The following IDUA variants were observed in gnomAD, a reference collection of about 807,000 sequenced individuals.
IDUA encodes the protein alpha-L-iduronidase.
In IDUA, 65 loss-of-function variants were observed where a neutral mutation model predicts 68.9. The observed-to-expected ratio is 0.94, with a 90% CI of 0.77 to 1.16. IDUA has a LOEUF of 1.16. Among genes scored for constraint, IDUA ranks in the 50% most tolerant of loss-of-function variants. The pLI, the probability that IDUA is intolerant of heterozygous loss-of-function variation, is 0.00. For missense variants in IDUA, 1,046 were observed against 938.0 expected (o/e 1.12, Z -1.50); for synonymous variants, 529 against 433.6 (o/e 1.22, Z -2.73).
intron 2 of IDUA, chr4:989,251 C>CCCGTG: frequency 6.2e-7 from 1 of 1,612,680 alleles, no homozygotes; most frequent in South Asian, 1.1e-5. Flanking sequence ...TGCGTCCAGC[C>CCCGTG]CCGTGAGGCT....
At chr4:987,577 GCAGGGC>G (rs943897582) in intron 1 of IDUA, 41 of 1,373,856 alleles carry the variant, frequency 3.0e-5, no homozygotes, top group African/African-American at 7.3e-5. Flanking sequence ...CGCCTTCCTG[GCAGGGC>G]CAGGGCCAGG....
At chr4:994,257 T>C (rs1373257907) in intron 2 of IDUA, among the ~76,000 whole-genome samples, 1 of 151,536 alleles carries the variant, frequency 6.6e-6, no homozygotes, top group Non-Finnish European at 1.5e-5. Flanking sequence ...CTGGTCAACA[T>C]AGTGAGACGC....
chr4:1,003,503 C>G lies in IDUA; in HGVS notation c.1650+33C>G, dbSNP rs544800828. On this transcript the variant is annotated intron_variant, in intron 11 of 13. Coordinates refer to ENST00000514224, the MANE Select transcript of IDUA (RefSeq NM_000203.5). ...GCAGTCCCCTAACCCGCGCCGCGGC[C>G]CGGACTCCCCTTCCCCGACGCCATC... 2.9e-4 allele frequency: 472 copies of G among 1,600,286 alleles called. 5 individuals are homozygous for G. In the South Asian group the frequency reaches 4.3e-3, roughly 15 times the overall value.
intron 2 of IDUA, chr4:999,600 G>A (rs148959726): frequency 0.049 from 7,446 of 151,844 alleles, 246 homozygotes; most frequent in Middle Eastern, 0.17. Flanking sequence ...CTGTCCCCTC[G>A]GAATGCAGGC....
In IDUA at chr4:1,000,925, T is replaced by A. The variant is rs373342547; in HGVS notation, c.429T>A (p.Phe143Leu). ...GCGCCTCGGGCCACTTCACTGACTT[T>A]GAGGACAAGCAGCAGGTGTTTGAGT... ...MGSASGHFTD[F>L]EDKQQVFEWK... Residue 143 changes from phenylalanine to leucine, a missense_variant, in exon 4 of 14, where the codon TTT becomes TTA. Transcript: ENST00000514224. The A allele has an allele frequency of 1.4e-5, 23 of 1,613,364 alleles. No individual in the cohort carries two copies. The highest frequency in any genetic ancestry group is 1.9e-5 in the Non-Finnish European group (22 of 1,179,956).
Position 1,004,342 on chromosome 4 carries a change from G to A in IDUA, c.1911G>A (p.Pro637=), listed in dbSNP as rs780005721. 2.2e-5 allele frequency: 35 copies of A among 1,611,544 alleles called. No individual in the cohort carries two copies. The highest frequency in any genetic ancestry group is 2.0e-4 in the East Asian group (9 of 44,888). Residue 637 remains proline, a synonymous_variant, in exon 14 of 14, where the codon CCG becomes CCA. Transcript: ENST00000514224. This position sits in a 1 kb window ranked among gnomAD's most constrained non-coding sequence, Gnocchi z 5.0. ...CAGGCCCCTTCTCGGACCCTGTGCCGTACCTGGAGGTCCCTGTGCCAAGAG... is the reference window on the plus strand; with the variant it reads ...CAGGCCCCTTCTCGGACCCTGTGCCATACCTGGAGGTCCCTGTGCCAAGAG... ...ARPGPFSDPV[P]YLEVPVPRGP... is the part of the protein sequence containing the mutation.
Position 1,004,394 on chromosome 4 carries a change from G to T in IDUA, c.*1G>T. 6.2e-7 allele frequency: 1 copy of T among 1,610,108 alleles called. No homozygotes were observed. The highest frequency in any genetic ancestry group is 8.5e-7 in the Non-Finnish European group (1 of 1,179,968). ...GCCCCCATCCCCGGGCAATCCATGA[G>T]CCTGTGCTGAGCCCCAGTGGGTTGC... On this transcript the variant is annotated 3_prime_UTR_variant, in exon 14 of 14. Transcript: ENST00000514224. The surrounding 1 kb of genome is among the most constrained non-coding windows in gnomAD (Gnocchi z 5.0).
intron 2 of IDUA, among the ~76,000 whole-genome samples, chr4:1,000,411 G>C (rs775877705): frequency 2.2e-4 from 34 of 152,338 alleles, no homozygotes; most frequent in Admixed American, 3.3e-4. Context: ...GGGTTGGGGG[G>C]TCTCCATGTA....
chr4:988,476 TGGCACCTTGG>T, intron 2 of IDUA: 2 of 1,114,822 alleles, frequency 1.8e-6, no homozygotes, highest in Non-Finnish European at 2.2e-6. Flanking sequence ...GGAGTCCTCT[TGGCACCTTGG>T]AGGCTGCATG....
chr4:987,531 G>A, intron 1 of IDUA: 1 of 1,008,032 alleles, frequency 9.9e-7, no homozygotes, highest in Non-Finnish European at 1.4e-6. Context: ...GACCTGGCCT[G>A]CCTGTCCCAT....
In IDUA at chr4:1,003,239, G is replaced by A. The variant is rs1172910277; in HGVS notation, c.1524+82G>A. The A allele has an allele frequency of 3.9e-6, 5 of 1,295,876 alleles. No individual in the cohort carries two copies. In the African/African-American group the frequency reaches 7.9e-5, roughly 20 times the overall value. The allele number at this position is 1,295,876 out of a possible 1,614,324, so 80.3% of individuals were successfully genotyped here. A position where few individuals can be genotyped will look rare whatever the true frequency, so the allele number is the denominator to read the frequency against. On this transcript the variant is annotated intron_variant, in intron 10 of 13. Transcript: ENST00000514224. ...GGGTCCGGGGCGGGGGCTCCGAGGC[G>A]GTGTGGGTGGGAGGTGGAGCGGTGG...
rs1397422879 is a variant in IDUA, at chr4:989,044, T to A, written c.299+1095T>A. The A allele has an allele frequency of 3.2e-6, 5 of 1,582,094 alleles. No homozygotes were observed. The South Asian group carries it at 3.4e-5, about 11-fold the overall frequency. On this transcript the variant is annotated intron_variant, in intron 2 of 13. Coordinates refer to ENST00000514224, the MANE Select transcript of IDUA (RefSeq NM_000203.5). Reference sequence around the variant, plus strand: ...CAGGGCCCCGTAGTCTCGGCGCAGGTCCTGCAGCGTGCTCACACCGGCTGC... The same window carrying A: ...CAGGGCCCCGTAGTCTCGGCGCAGGACCTGCAGCGTGCTCACACCGGCTGC...
chr4:993,932 G>T (rs1413882511), intron 2 of IDUA, among the ~76,000 whole-genome samples: 2 of 152,228 alleles, frequency 1.3e-5, no homozygotes, highest in East Asian at 3.9e-4. Flanking sequence ...AGGACTGCCG[G>T]GGTCAAGGTG....
At position 987,550 on chromosome 4, in the gene IDUA, C is replaced by T. The variant is rs190905923; in HGVS notation, c.159-259C>T. ...TGGCCTGCCTGTCCCATTCCTTCCA[C>T]CTAGAGCTGAGGTACCCGCCTTCCT... On this transcript the variant is annotated intron_variant, in intron 1 of 13. Coordinates refer to ENST00000514224, the MANE Select transcript of IDUA (RefSeq NM_000203.5). 5.2e-3 allele frequency: 6,205 copies of T among 1,193,786 alleles called. 367 individuals carry two copies. In the South Asian group the frequency reaches 0.092, roughly 18 times the overall value. 73.9% of individuals were successfully genotyped at this position (1,193,786 alleles called of 1,614,324 possible).
At chr4:987,977 C>T (rs1713877761) in intron 2 of IDUA, 28 bp downstream of exon 2, 1 of 1,548,732 alleles carries the variant, frequency 6.5e-7, no homozygotes. Context: ...TCTGGGCGTC[C>T]CAGAGCCCCT....
At chr4:996,959 G>A (rs1244462437) in intron 2 of IDUA, among the ~76,000 whole-genome samples, 4 of 151,092 alleles carry the variant, frequency 2.6e-5, no homozygotes, top group South Asian at 2.6e-4. Flanking sequence ...GCCTGAATCC[G>A]CCTCCCTCCT....
intron 4 of IDUA, 162 bp downstream of exon 4, chr4:1,001,151 C>T (rs1460717486): frequency 7.8e-6 from 5 of 643,992 alleles, no homozygotes; most frequent in East Asian, 2.8e-5. Context: ...TGGTGGTCGG[C>T]GCAGGCCCTG....
At position 1,004,370 on chromosome 4, in the gene IDUA, C is replaced by T. The variant is rs1445443102; in HGVS notation, c.1939C>T (p.Pro647Ser). 1.2e-6 allele frequency: 2 copies of T among 1,610,768 alleles called. No individual in the cohort carries two copies. Among genetic ancestry groups the T allele is most frequent in the Non-Finnish European group, 1.7e-6 (2 of 1,179,948 alleles). ...CCTGGAGGTCCCTGTGCCAAGAGGG[C>T]CCCCATCCCCGGGCAATCCATGAGC... is the stretch of plus-strand genomic sequence containing the variant. The part of the protein sequence containing the change: ...PYLEVPVPRG[P>S]PSPGNP The change falls in exon 14 of 14, where the codon CCC (proline) becomes TCC (serine). Residue 647 changes from proline to serine, a missense_variant. By Grantham distance (74) the Pro-to-Ser change is moderately conservative. Coordinates refer to ENST00000514224, the MANE Select transcript of IDUA (RefSeq NM_000203.5). The surrounding 1 kb of genome is among the most constrained non-coding windows in gnomAD (Gnocchi z 5.0).
At chr4:993,918 G>A (rs1714565249) in intron 2 of IDUA, among the ~76,000 whole-genome samples, 2 of 152,186 alleles carry the variant, frequency 1.3e-5, no homozygotes, top group African/African-American at 4.8e-5. Context: ...CACCGCCCAG[G>A]GCGAGGACTG....
Sources: gnomAD v4.1 joint callset for allele counts (sites outside exome capture counted in the v4.1 genomes callset) on GRCh38, gnomAD v4.1.1 for gene constraint, Gnocchi (gnomAD v3.1) non-coding constraint, MANE v1.5 for transcripts, NCBI Gene and HGNC (gene_info 2026-07-23, HGNC 2026-07-21) for gene names.